The following PTPN4 variants were observed in gnomAD, a reference collection of about 807,000 sequenced individuals.
PTPN4 encodes the protein tyrosine-protein phosphatase non-receptor type 4.
In PTPN4, 49 loss-of-function variants were observed where a neutral mutation model predicts 135.5. The observed-to-expected ratio is 0.36, with a 90% CI of 0.29 to 0.46. The LOEUF (loss-of-function observed/expected upper bound fraction) is 0.46. Among genes scored for constraint, PTPN4 ranks in the 20% least tolerant of loss-of-function variants. PTPN4 has a pLI of 1.00. For missense variants in PTPN4, 860 were observed against 1,101.0 expected (o/e 0.78, Z 3.10); for synonymous variants, 333 against 369.9 (o/e 0.90, Z 1.14).
intron 13 of PTPN4, among the ~76,000 whole-genome samples, chr2:119,928,725 C>T (rs574738452): frequency 3.3e-5 from 5 of 152,036 alleles, no homozygotes; most frequent in Non-Finnish European, 1.5e-5. Context: ...GTTGTAACAG[C>T]GTAGCAATAT....
rs1679642336 is a variant in PTPN4, at chr2:119,977,981, G to T, written c.*911G>T. ...TTGAGTGTTATACAGTCAAAGAAGG[G>T]TAAGGAAATTCTGTTTCTTACTCAG... On this transcript the variant is annotated 3_prime_UTR_variant, in exon 27 of 27. Transcript: ENST00000263708. 6.6e-6 allele frequency: 1 copy of T among 152,148 alleles called. No individual in the cohort carries two copies. Among genetic ancestry groups the T allele is most frequent in the South Asian group, 2.1e-4 (1 of 4,834 alleles). 9.4% of individuals were successfully genotyped at this position (152,148 alleles called of 1,614,324 possible).
chr2:119,766,156 G>A lies in PTPN4; in HGVS notation c.-18+5772G>A, dbSNP rs191371459. On this transcript the variant is annotated intron_variant, in intron 1 of 26. Coordinates refer to ENST00000263708, the MANE Select transcript of PTPN4 (RefSeq NM_002830.4). ...CCCTGCCCCAGGATGGTTTCTTTTGGCTTTGAATAGCATTTGTGGCTTATC... is the reference window on the plus strand; with the variant it reads ...CCCTGCCCCAGGATGGTTTCTTTTGACTTTGAATAGCATTTGTGGCTTATC... Among the ~76,000 whole-genome samples, 43 of 152,178 alleles carry A rather than the reference G, an allele frequency of 2.8e-4. 2 individuals are homozygous for A. In the South Asian group the frequency reaches 8.1e-3, roughly 29 times the overall value.
At chr2:119,762,231 C>G (rs1324520625) in intron 1 of PTPN4, among the ~76,000 whole-genome samples, 1 of 151,840 alleles carries the variant, frequency 6.6e-6, no homozygotes, top group Admixed American at 6.6e-5. Flanking sequence ...GTATAGATCT[C>G]TCATACTCGA....
chr2:119,865,457 T>G (rs1677818781), intron 3 of PTPN4, among the ~76,000 whole-genome samples: 1 of 152,094 alleles, frequency 6.6e-6, no homozygotes, highest in Admixed American at 6.5e-5. Flanking sequence ...GTCAACTAAT[T>G]TGTTTAATGT....
chr2:119,760,733 CTTTTTTTTTTTT>C lies in PTPN4; in HGVS notation c.-18+360_-18+371del, dbSNP rs59953430. 2.5e-4 allele frequency among the ~76,000 whole-genome samples: 20 copies of C among 79,908 alleles called. No homozygotes were observed. The Admixed American group carries it at 2.9e-3, about 11-fold the overall frequency. 52.4% of individuals were successfully genotyped at this position (79,908 alleles called of 152,430 possible). A position where few individuals can be genotyped will look rare whatever the true frequency, so the allele number is the denominator to read the frequency against. On this transcript the variant is annotated intron_variant, in intron 1 of 26. Coordinates refer to ENST00000263708, the MANE Select transcript of PTPN4 (RefSeq NM_002830.4). ...GAGTTTTCCATTGCTGGTAGAATTC[CTTTTTTTTTTTT>C]TTTTTTTTTTGGCTCATATGAGCGC...
chr2:119,970,449 A>T (rs894974294), intron 26 of PTPN4, among the ~76,000 whole-genome samples: 35 of 151,136 alleles, frequency 2.3e-4, no homozygotes, highest in Non-Finnish European at 4.4e-4. Context: ...TTCCCCTCAT[A>T]CCCTCTCTAA....
At chr2:119,939,143 C>T (rs1343158406) in intron 15 of PTPN4, among the ~76,000 whole-genome samples, 1 of 152,100 alleles carries the variant, frequency 6.6e-6, no homozygotes, top group African/African-American at 2.4e-5. Context: ...GGGATATATT[C>T]CAACAACTTT....
At chr2:119,833,282 G>T (rs922908288) in intron 2 of PTPN4, among the ~76,000 whole-genome samples, 1 of 151,356 alleles carries the variant, frequency 6.6e-6, no homozygotes, top group African/African-American at 2.4e-5. Context: ...TTCCTTTCTC[G>T]TGCTCTTCAG....
intron 1 of PTPN4, among the ~76,000 whole-genome samples, chr2:119,787,048 G>T (rs1454925516): frequency 1.3e-5 from 2 of 152,180 alleles, no homozygotes; most frequent in Non-Finnish European, 2.9e-5. Flanking sequence ...ATAACAAAAG[G>T]CTAATAGGAA....
rs374235193 is a variant in PTPN4 at position 119,847,414 on chromosome 2, G to A, written c.139-15122G>A. On this transcript the variant is annotated intron_variant, in intron 2 of 26. Coordinates refer to ENST00000263708, the MANE Select transcript of PTPN4 (RefSeq NM_002830.4). ...GTGATCTCAGCTCACTGCAACCTCC[G>A]CCTCCCAGGTTCAAGTGATTTTCCT... is the stretch of plus-strand genomic sequence containing the variant. Among the ~76,000 whole-genome samples the A allele has an allele frequency of 7.4e-5, 11 of 147,878 alleles. No individual in the cohort carries two copies. In the South Asian group the frequency reaches 2.1e-3, roughly 29 times the overall value.
At chr2:119,955,547 A>G (rs1679267393) in intron 20 of PTPN4, among the ~76,000 whole-genome samples, 1 of 152,236 alleles carries the variant, frequency 6.6e-6, no homozygotes, top group African/African-American at 2.4e-5. Context: ...GGATAAGGAA[A>G]TTTTATACAT....
intron 1 of PTPN4, among the ~76,000 whole-genome samples, chr2:119,803,757 C>T (rs964407921): frequency 1.3e-5 from 2 of 151,618 alleles, no homozygotes; most frequent in Non-Finnish European, 2.9e-5. Context: ...TTGAGCTCTC[C>T]TATAATTGTG....
At chr2:119,899,219 A>G (rs993292987) in intron 9 of PTPN4, among the ~76,000 whole-genome samples, 16 of 152,084 alleles carry the variant, frequency 1.1e-4, no homozygotes, top group South Asian at 8.3e-4. Flanking sequence ...CAGGCTTCAC[A>G]CTTTCATTTC....
At chr2:119,848,662 G>T (rs1677543671) in intron 2 of PTPN4, among the ~76,000 whole-genome samples, 1 of 151,844 alleles carries the variant, frequency 6.6e-6, no homozygotes. Flanking sequence ...TTGCAGTGAT[G>T]CAATCTCGGC....
At chr2:119,813,334 G>A (rs529828011) in intron 2 of PTPN4, among the ~76,000 whole-genome samples, 6 of 151,390 alleles carry the variant, frequency 4.0e-5, no homozygotes, top group South Asian at 2.1e-4. Flanking sequence ...CGCAACCTCC[G>A]TCTCCCAGGT....
chr2:119,809,737 C>T (rs1366735626), intron 1 of PTPN4, 100 bp from the exon 2 acceptor site: 4 of 1,043,578 alleles, frequency 3.8e-6, no homozygotes, highest in Non-Finnish European at 5.3e-6. Context: ...TGTTTTCCAC[C>T]TAAGTTTTAA....
intron 1 of PTPN4, among the ~76,000 whole-genome samples, chr2:119,798,906 G>A (rs1215166914): frequency 6.6e-6 from 1 of 152,178 alleles, no homozygotes; most frequent in Non-Finnish European, 1.5e-5. Flanking sequence ...CAGGCTGGGA[G>A]GAGTGCTGAT....
intron 26 of PTPN4, among the ~76,000 whole-genome samples, chr2:119,973,808 G>A (rs1574428274): frequency 6.6e-6 from 1 of 151,840 alleles, no homozygotes; most frequent in East Asian, 1.9e-4. Flanking sequence ...TATGGCTTGA[G>A]CATCTTAGGT....
At chr2:119,855,276 C>T (rs552271506) in intron 2 of PTPN4, among the ~76,000 whole-genome samples, 46 of 151,906 alleles carry the variant, frequency 3.0e-4, no homozygotes, top group African/African-American at 1.1e-3. Context: ...CAGAAAAGAC[C>T]CTAAGTTAGG....
Sources: gnomAD v4.1 joint callset for allele counts (sites outside exome capture counted in the v4.1 genomes callset) on GRCh38, gnomAD v4.1.1 for gene constraint, MANE v1.5 for transcripts, NCBI Gene and HGNC (gene_info 2026-07-23, HGNC 2026-07-21) for gene names.